Variants in NR2F1-AS1 observed in about 807,000 individuals in gnomAD.
NR2F1-AS1 encodes NR2F1 regulatory antisense RNA 1, also known as NR2F1 antisense RNA 1.
chr5:93,489,098 AGGG>A lies in NR2F1-AS1; in HGVS notation n.638+64660_638+64662del, dbSNP rs533707534. 8.0e-3 allele frequency among the ~76,000 whole-genome samples: 1,212 copies of A among 152,226 alleles called. 5 individuals are homozygous for A. Among genetic ancestry groups the A allele is most frequent in the Non-Finnish European group, 0.011 (753 of 68,018 alleles). ...AACATCACACAGTGGGGCCTGTTGG[AGGG>A]TGGAGGACTATGGAAGGGATAGCAT... On this transcript the variant is annotated intron_variant and non_coding_transcript_variant, in intron 4 of 5. Transcript: ENST00000660523.
At chr5:93,446,977 T>C (rs955806101) in intron 4 of NR2F1-AS1, among the ~76,000 whole-genome samples, 7 of 152,128 alleles carry the variant, frequency 4.6e-5, no homozygotes, top group African/African-American at 1.7e-4. Context: ...TAATAAATGG[T>C]GCTGGGAAAA....
chr5:93,450,822 G>T (rs1381865564), intron 4 of NR2F1-AS1, among the ~76,000 whole-genome samples: 1 of 151,096 alleles, frequency 6.6e-6, no homozygotes, highest in Non-Finnish European at 1.5e-5. Context: ...CAGTACTTCG[G>T]GAGGGATCGC....
At chr5:93,563,491 G>T (rs1434812431) in intron 1 of NR2F1-AS1, 1 of 152,116 alleles carries the variant, frequency 6.6e-6, no homozygotes, top group Non-Finnish European at 1.5e-5. Flanking sequence ...AATTTAATCA[G>T]TGTAAAAAAT....
rs1752027186 is a variant in NR2F1-AS1, at chr5:93,544,400, A to AT, written n.638+9360dup. On this transcript the variant is annotated intron_variant and non_coding_transcript_variant, in intron 4 of 5. Transcript: ENST00000660523. ...AGCATGGATTCTATTATGCCATAGA[A>AT]TATATAATTATATGGGTTGGCACAT... Among the ~76,000 whole-genome samples the AT allele has an allele frequency of 3.9e-5, 6 of 152,304 alleles. No homozygotes were observed. In the South Asian group the frequency reaches 1.2e-3, roughly 32 times the overall value.
At chr5:93,501,319 T>TTTG (rs138163412) in intron 4 of NR2F1-AS1, among the ~76,000 whole-genome samples, 68 of 141,502 alleles carry the variant, frequency 4.8e-4, no homozygotes, top group South Asian at 1.1e-3. Flanking sequence ...TAGTAAGGTT[T>TTTG]TTGTTGTTGT....
At chr5:93,425,989 A>C (rs1749186919) in intron 4 of NR2F1-AS1, among the ~76,000 whole-genome samples, 3 of 152,112 alleles carry the variant, frequency 2.0e-5, no homozygotes, top group Non-Finnish European at 4.4e-5. Flanking sequence ...TTTAAGGTAC[A>C]AATACAAAAC....
intron 4 of NR2F1-AS1, among the ~76,000 whole-genome samples, chr5:93,441,182 C>T (rs138496886): frequency 7.9e-5 from 12 of 152,242 alleles, no homozygotes; most frequent in East Asian, 7.7e-4. Context: ...GCCAGAAGAA[C>T]GAAGATGGTG....
intron 1 of NR2F1-AS1, among the ~76,000 whole-genome samples, chr5:93,566,606 A>T (rs1271662763): frequency 6.6e-6 from 1 of 152,026 alleles, no homozygotes; most frequent in Admixed American, 6.5e-5. Flanking sequence ...CATGAATTAG[A>T]ATGCTGCCTC....
chr5:93,473,003 T>C (rs180735834), intron 4 of NR2F1-AS1, among the ~76,000 whole-genome samples: 22 of 152,056 alleles, frequency 1.4e-4, no homozygotes, highest in African/African-American at 5.1e-4. Flanking sequence ...ATAAAACATA[T>C]ACCACCTATA....
chr5:93,432,842 T>G (rs1749354247), intron 4 of NR2F1-AS1, among the ~76,000 whole-genome samples: 1 of 152,202 alleles, frequency 6.6e-6, no homozygotes, highest in Non-Finnish European at 1.5e-5. Context: ...TATCTTTTTG[T>G]GTAATTTCTA....
chr5:93,572,129 G>A (rs1327660352), intron 1 of NR2F1-AS1, among the ~76,000 whole-genome samples: 1 of 152,214 alleles, frequency 6.6e-6, no homozygotes, highest in Non-Finnish European at 1.5e-5. Flanking sequence ...GGACAGACTT[G>A]GTCTAAATAC....
At chr5:93,482,483 T>C (rs556078822) in intron 4 of NR2F1-AS1, among the ~76,000 whole-genome samples, 1 of 152,046 alleles carries the variant, frequency 6.6e-6, no homozygotes, top group South Asian at 2.1e-4. Flanking sequence ...CCAGTGCCTA[T>C]ATCACCAGGG....
chr5:93,489,880 T>C (rs184769879), intron 4 of NR2F1-AS1, among the ~76,000 whole-genome samples: 3 of 152,306 alleles, frequency 2.0e-5, no homozygotes, highest in East Asian at 3.9e-4. Flanking sequence ...AGATGTTTGG[T>C]CTAGATCTTC....
chr5:93,474,489 G>A (rs1185402171), intron 4 of NR2F1-AS1, among the ~76,000 whole-genome samples: 1 of 152,148 alleles, frequency 6.6e-6, no homozygotes, highest in Non-Finnish European at 1.5e-5. Context: ...AGGCTAGATG[G>A]CTTATAAGCA....
chr5:93,565,120 A>G (rs1030292159), intron 1 of NR2F1-AS1, among the ~76,000 whole-genome samples: 7 of 152,212 alleles, frequency 4.6e-5, no homozygotes, highest in Admixed American at 4.6e-4. Context: ...GGAAGTCAGG[A>G]AAACTGAGTT....
intron 4 of NR2F1-AS1, among the ~76,000 whole-genome samples, chr5:93,539,362 C>G (rs914200702): frequency 6.6e-6 from 1 of 152,002 alleles, no homozygotes; most frequent in African/African-American, 2.4e-5. Flanking sequence ...CCTATGTATT[C>G]AACAACAGAT....
intron 4 of NR2F1-AS1, among the ~76,000 whole-genome samples, chr5:93,443,650 C>T (rs1001769544): frequency 1.3e-5 from 2 of 152,164 alleles, no homozygotes; most frequent in Non-Finnish European, 2.9e-5. Context: ...AGGAGAACTT[C>T]CCCAATCTAG....
chr5:93,538,916 T>C (rs191175188), intron 4 of NR2F1-AS1, among the ~76,000 whole-genome samples: 1 of 152,272 alleles, frequency 6.6e-6, no homozygotes, highest in Non-Finnish European at 1.5e-5. Flanking sequence ...AAAGTCAGTT[T>C]CCAAGAACTT....
intron 4 of NR2F1-AS1, among the ~76,000 whole-genome samples, chr5:93,501,219 G>A (rs1751071698): frequency 6.6e-6 from 1 of 151,478 alleles, no homozygotes; most frequent in Admixed American, 6.6e-5. Flanking sequence ...CTAAAGATGT[G>A]ACTGAATTGC....
Sources: allele counts gnomAD v4.1 joint callset (sites outside exome capture counted in the v4.1 genomes callset), GRCh38; gene constraint gnomAD v4.1.1; transcripts MANE v1.5; gene names NCBI Gene and HGNC (gene_info 2026-07-23, HGNC 2026-07-21).